Variants in SORT1 observed in about 807,000 individuals in gnomAD.
The protein encoded by SORT1 is sortilin.
SORT1 carries 39 observed loss-of-function variants against 101.7 expected under a neutral mutation model. The observed-to-expected ratio is 0.38, with a 90% CI of 0.30 to 0.50. The LOEUF is 0.50. Ranked by LOEUF, SORT1 falls within the 20% of genes least tolerant of loss-of-function variation. SORT1 has a pLI of 0.90. For synonymous variants in SORT1, 396 were observed against 393.7 expected, an observed-to-expected ratio of 1.01 and a Z score of -0.07; for missense variants, 878 against 1,040.4, an observed-to-expected ratio of 0.84 and a Z score of 2.15.
intron 1 of SORT1, among the ~76,000 whole-genome samples, chr1:109,396,759 C>T (rs1653198354): frequency 6.6e-6 from 1 of 152,188 alleles, no homozygotes; most frequent in Admixed American, 6.5e-5. Context: ...ATACATTATG[C>T]AAATGTGGCT....
chr1:109,338,263 T>G (rs974319876), intron 10 of SORT1, among the ~76,000 whole-genome samples: 7 of 152,096 alleles, frequency 4.6e-5, no homozygotes, highest in Non-Finnish European at 1.0e-4. Context: ...CATGTGCATG[T>G]GTACCTGCTG....
At chr1:109,340,974 C>T in intron 9 of SORT1, 95 bp from the exon 10 acceptor site, 1 of 944,508 alleles carries the variant, frequency 1.1e-6, no homozygotes. Context: ...CCTGACCAAA[C>T]ACAGTAGCCA....
intron 1 of SORT1, among the ~76,000 whole-genome samples, chr1:109,387,648 C>G (rs2101655543): frequency 6.6e-6 from 1 of 152,266 alleles, no homozygotes; most frequent in East Asian, 1.9e-4. Context: ...TCTCTATCTC[C>G]CATAGCTTCA....
chr1:109,316,790 T>C, intron 17 of SORT1, 60 bp downstream of exon 17: 1 of 1,115,870 alleles, frequency 9.0e-7, no homozygotes, highest in Non-Finnish European at 1.3e-6. Context: ...TAACTTTGAT[T>C]TTTCTTAGCA....
At chr1:109,345,185 A>AG (rs1468489202) in intron 8 of SORT1, among the ~76,000 whole-genome samples, 1 of 152,218 alleles carries the variant, frequency 6.6e-6, no homozygotes, top group East Asian at 1.9e-4. Flanking sequence ...TGCTTTCTAC[A>AG]GATGTCCATT....
chr1:109,345,855 A>G lies in SORT1; in HGVS notation c.859T>C (p.Trp287Arg). The G allele has an allele frequency of 6.2e-7, 1 of 1,613,526 alleles. No individual in the cohort carries two copies. Among genetic ancestry groups the G allele is most frequent in the Non-Finnish European group, 8.5e-7 (1 of 1,179,522 alleles). Residue 287 changes from tryptophan to arginine, a missense_variant, in exon 8 of 20, where the codon TGG becomes CGG. Physicochemically the swap from Trp to Arg is moderately radical, Grantham distance 101. Around this residue, in one of 2 missense-constraint regions of SORT1, gnomAD observed 684 missense variants for 894.5 expected, o/e 0.76. Coordinates refer to ENST00000256637, the MANE Select transcript of SORT1 (RefSeq NM_002959.7). ...CTTTTTCCCAAGTCTGAAGTTCTCCATAATTCCAGAGCCCCAAGGTCAGCT... is the reference window on the plus strand; with the variant it reads ...CTTTTTCCCAAGTCTGAAGTTCTCCGTAATTCCAGAGCCCCAAGGTCAGCT... ...CKADLGALEL[W>R]RTSDLGKSFK...
At chr1:109,363,730 T>C (rs1650895365) in intron 3 of SORT1, among the ~76,000 whole-genome samples, 1 of 152,212 alleles carries the variant, frequency 6.6e-6, no homozygotes, top group Admixed American at 6.5e-5. Context: ...TATGCGAAGA[T>C]GGTCTAACGA....
chr1:109,347,291 T>G (rs1035137336), intron 7 of SORT1, among the ~76,000 whole-genome samples, 192 bp downstream of exon 7: 2 of 152,238 alleles, frequency 1.3e-5, no homozygotes, highest in Admixed American at 6.5e-5. Flanking sequence ...ATAGCCTATA[T>G]TTTTACTTGA....
At position 109,311,338 on chromosome 1, in the gene SORT1, T is replaced by C. The variant is rs1658719977; in HGVS notation, c.*2705A>G. On this transcript the variant is annotated 3_prime_UTR_variant, in exon 20 of 20. Coordinates refer to ENST00000256637, the MANE Select transcript of SORT1 (RefSeq NM_002959.7). ...TCAAGCCTGGGAGTTTACACAATGA[T>C]ACACTATGTTTTACCTTCAAAGATA... is the stretch of plus-strand genomic sequence containing the variant. 6.6e-6 allele frequency: 1 copy of C among 152,270 alleles called. No homozygotes were observed. The highest frequency in any genetic ancestry group is 2.4e-5 in the African/African-American group (1 of 41,476). 9.4% of individuals were successfully genotyped at this position (152,270 alleles called of 1,614,324 possible).
intron 15 of SORT1, among the ~76,000 whole-genome samples, chr1:109,322,185 G>A (rs752494298): frequency 2.6e-5 from 4 of 151,558 alleles, no homozygotes; most frequent in East Asian, 1.9e-4. Context: ...CAATCCACCC[G>A]CCTCGGCCTC....
At chr1:109,375,891 T>A (rs1651801275) in intron 1 of SORT1, among the ~76,000 whole-genome samples, 1 of 152,142 alleles carries the variant, frequency 6.6e-6, no homozygotes, top group Non-Finnish European at 1.5e-5. Flanking sequence ...GGTTTCACAA[T>A]GAGATACCAT....
At chr1:109,360,852 T>C (rs1650678905) in intron 3 of SORT1, among the ~76,000 whole-genome samples, 1 of 152,188 alleles carries the variant, frequency 6.6e-6, no homozygotes, top group Admixed American at 6.5e-5. Context: ...GGAGGCAGCC[T>C]TGGTGATCCC....
chr1:109,321,445 A>C (rs1431932492), intron 15 of SORT1, among the ~76,000 whole-genome samples: 1 of 152,182 alleles, frequency 6.6e-6, no homozygotes, highest in Non-Finnish European at 1.5e-5. Flanking sequence ...GCACAGGTGA[A>C]GAGCTTGGCA....
chr1:109,364,137 T>TA (rs1241718692), intron 3 of SORT1, among the ~76,000 whole-genome samples: 1 of 152,194 alleles, frequency 6.6e-6, no homozygotes, highest in Non-Finnish European at 1.5e-5. Flanking sequence ...TTGGTAACAT[T>TA]ATACTATATC....
At chr1:109,331,557 C>A (rs1231610855) in intron 11 of SORT1, among the ~76,000 whole-genome samples, 1 of 151,876 alleles carries the variant, frequency 6.6e-6, no homozygotes, top group Non-Finnish European at 1.5e-5. Context: ...ATGTGACAAG[C>A]CCACAGCTAA....
chr1:109,397,117 C>A (rs1160423602), intron 1 of SORT1: 1 of 152,288 alleles, frequency 6.6e-6, no homozygotes, highest in Non-Finnish European at 1.5e-5. Context: ...GTCCCCTTAA[C>A]TATTAAAACA....
At chr1:109,359,893 G>A (rs1038861699) in intron 3 of SORT1, among the ~76,000 whole-genome samples, 5 of 152,096 alleles carry the variant, frequency 3.3e-5, no homozygotes, top group African/African-American at 1.2e-4. Context: ...GAGACTCAAG[G>A]TATGATTCAT....
At position 109,397,624 on chromosome 1, in the gene SORT1, C is replaced by G; in HGVS notation, c.269G>C (p.Arg90Pro). The G allele has an allele frequency of 7.8e-7, 1 of 1,285,478 alleles. No homozygotes were observed. Among genetic ancestry groups the G allele is most frequent in the Non-Finnish European group, 1.0e-6 (1 of 1,003,800 alleles). 79.6% of individuals were successfully genotyped at this position (1,285,478 alleles called of 1,614,324 possible). ...PGEDEECGRV[R>P]DFVAKLANNT... ...GTTGGCCAGCTTGGCGACGAAGTCC[C>G]GGACCCGGCCGCACTCCTCGTCCTC... The change falls in exon 1 of 20, where the codon CGG becomes CCG. Residue 90 changes from arginine to proline, a missense_variant. Coordinates refer to ENST00000256637, the MANE Select transcript of SORT1 (RefSeq NM_002959.7).
chr1:109,391,147 A>C (rs923912678), intron 1 of SORT1, among the ~76,000 whole-genome samples: 2 of 152,216 alleles, frequency 1.3e-5, no homozygotes, highest in African/African-American at 2.4e-5. Context: ...TCAGCCAACA[A>C]GGAACAAACG....
Sources: gnomAD v4.1 joint callset for allele counts (sites outside exome capture counted in the v4.1 genomes callset) on GRCh38, gnomAD v4.1.1 for gene constraint, gnomAD v4.1.1 regional missense constraint, MANE v1.5 for transcripts, NCBI Gene and HGNC (gene_info 2026-07-23, HGNC 2026-07-21) for gene names.